FTCDNL1: variants seen among roughly 807,000 people sequenced by gnomAD.
FTCDNL1 encodes formiminotransferase N-terminal subdomain-containing protein.
FTCDNL1 carries 11 observed loss-of-function variants against 5.9 expected under a neutral mutation model. The ratio of observed to expected loss-of-function variants is 1.87; its 90% CI spans 1.18 to 3.10. The LOEUF (loss-of-function observed/expected upper bound fraction) is 3.10. Ranked by LOEUF, FTCDNL1 falls within the 30% of genes most tolerant of loss-of-function variation. The pLI, the probability that FTCDNL1 is intolerant of heterozygous loss-of-function variation, is 0.00. For missense variants in FTCDNL1, 115 were observed against 65.5 expected, an observed-to-expected ratio of 1.76 and a Z score of -2.61; for synonymous variants, 58 against 24.8, an observed-to-expected ratio of 2.34 and a Z score of -3.99.
intron 3 of FTCDNL1, among the ~76,000 whole-genome samples, chr2:199,766,506 T>C (rs773053336): frequency 4.6e-5 from 7 of 152,200 alleles, no homozygotes; most frequent in Non-Finnish European, 1.0e-4. Context: ...AGCAGAGTAG[T>C]TATACTTTGA....
At chr2:199,803,916 G>A (rs1700594621) in intron 3 of FTCDNL1, among the ~76,000 whole-genome samples, 1 of 152,212 alleles carries the variant, frequency 6.6e-6, no homozygotes, top group Non-Finnish European at 1.5e-5. Context: ...TGAAAATCAT[G>A]TAATAACTAA....
the FTCDNL1 span, among the ~76,000 whole-genome samples, chr2:199,672,927 G>A: frequency 2.0e-5 from 3 of 151,902 alleles, no homozygotes; most frequent in African/African-American, 7.3e-5. Context: ...TCAAAGGAAG[G>A]GTAATTAGAC....
downstream of FTCDNL1, among the ~76,000 whole-genome samples, chr2:199,758,310 A>C (rs922576771): frequency 6.6e-6 from 1 of 152,034 alleles, no homozygotes; most frequent in Non-Finnish European, 1.5e-5. Context: ...AAATGAGAAA[A>C]CAAACAAATA....
At chr2:199,759,862 C>T (rs1698197787), downstream of FTCDNL1, among the ~76,000 whole-genome samples, 3 of 152,100 alleles carry the variant, frequency 2.0e-5, no homozygotes, top group South Asian at 6.2e-4. Flanking sequence ...AGTATGTGAA[C>T]ATAAACAACA....
chr2:199,729,679 A>G, the FTCDNL1 span, among the ~76,000 whole-genome samples: 1 of 152,194 alleles, frequency 6.6e-6, no homozygotes, highest in Non-Finnish European at 1.5e-5. Flanking sequence ...AGAACTACAA[A>G]CCACTGCTCA....
chr2:199,670,472 G>A, the FTCDNL1 span, among the ~76,000 whole-genome samples: 1 of 152,290 alleles, frequency 6.6e-6, no homozygotes, highest in Non-Finnish European at 1.5e-5. Flanking sequence ...GAAATCAAGA[G>A]ACTTTTCAAT....
intron 3 of FTCDNL1, among the ~76,000 whole-genome samples, chr2:199,840,879 G>A (rs190878085): frequency 6.6e-6 from 1 of 152,126 alleles, no homozygotes; most frequent in South Asian, 2.1e-4. Flanking sequence ...CTGGCTAGGG[G>A]CAGTAGCTCA....
intron 3 of FTCDNL1, among the ~76,000 whole-genome samples, chr2:199,835,776 A>G (rs1702691217): frequency 2.0e-5 from 3 of 152,228 alleles, no homozygotes; most frequent in South Asian, 2.1e-4. Flanking sequence ...CCCTTACTAG[A>G]TCCACAATCT....
chr2:199,760,733 T>A lies in FTCDNL1; in HGVS notation c.*80A>T, dbSNP rs558868816. ...GGTACTGTGTGTTGGTTTTCCTCCA[T>A]GAGTCACCCCAGATCCATTCTGTGG... On this transcript the variant is annotated 3_prime_UTR_variant, in exon 4 of 4. Coordinates refer to the FTCDNL1 transcript ENST00000416668. 6.5e-4 allele frequency: 452 copies of A among 698,212 alleles called. 1 individual carries two copies. Among genetic ancestry groups the A allele is most frequent in the Non-Finnish European group, 9.6e-4 (366 of 381,432 alleles). The allele number at this position is 698,212 out of a possible 1,614,324, so 43.3% of individuals were successfully genotyped here.
chr2:199,776,274 C>T (rs7556874), intron 3 of FTCDNL1, among the ~76,000 whole-genome samples: 67,990 of 151,994 alleles, frequency 0.45, 17,595 homozygotes, highest in Non-Finnish European at 0.56. Flanking sequence ...CCATATCTGT[C>T]ATATAATGAG....
At chr2:199,752,711 G>A in the FTCDNL1 span, among the ~76,000 whole-genome samples, 1 of 149,628 alleles carries the variant, frequency 6.7e-6, no homozygotes, top group Non-Finnish European at 1.5e-5. Context: ...CTTGCTTTCA[G>A]TATATACATA....
chr2:199,752,177 C>G, the FTCDNL1 span, among the ~76,000 whole-genome samples: 59 of 152,104 alleles, frequency 3.9e-4, no homozygotes, highest in African/African-American at 1.4e-3. Flanking sequence ...AAGGATGCCT[C>G]GACTTCCAGG....
At chr2:199,730,516 CAAA>C in the FTCDNL1 span, among the ~76,000 whole-genome samples, 2 of 152,086 alleles carry the variant, frequency 1.3e-5, no homozygotes, top group Non-Finnish European at 2.9e-5. Context: ...ACAACCCCAT[CAAA>C]AAGTGGGCAA....
intron 3 of FTCDNL1, among the ~76,000 whole-genome samples, chr2:199,842,000 T>G (rs1343394707): frequency 2.0e-5 from 3 of 152,156 alleles, no homozygotes; most frequent in Non-Finnish European, 4.4e-5. Context: ...GGCTCATGCC[T>G]GTAATCCCAG....
chr2:199,800,442 C>T (rs888228816), intron 3 of FTCDNL1, among the ~76,000 whole-genome samples: 8 of 152,124 alleles, frequency 5.3e-5, no homozygotes, highest in Non-Finnish European at 1.0e-4. Flanking sequence ...TGGAAGCTTA[C>T]ACCATTTTGA....
At chr2:199,725,112 A>C in the FTCDNL1 span, among the ~76,000 whole-genome samples, 1 of 152,180 alleles carries the variant, frequency 6.6e-6, no homozygotes, top group South Asian at 2.1e-4. Context: ...TTCTTGTTGA[A>C]TTGAATCCTT....
chr2:199,713,737 G>A, the FTCDNL1 span, among the ~76,000 whole-genome samples: 1 of 152,074 alleles, frequency 6.6e-6, no homozygotes, highest in African/African-American at 2.4e-5. Flanking sequence ...TATACCTAAG[G>A]TACTTAGCTA....
downstream of FTCDNL1, among the ~76,000 whole-genome samples, chr2:199,756,412 C>G (rs549423216): frequency 4.5e-4 from 68 of 152,174 alleles, 1 homozygote; most frequent in Non-Finnish European, 2.9e-5. Flanking sequence ...CTTCCACCAG[C>G]CAGCGGGCTG....
At chr2:199,758,619 T>G (rs375830643), downstream of FTCDNL1, among the ~76,000 whole-genome samples, 22 of 152,312 alleles carry the variant, frequency 1.4e-4, no homozygotes, top group African/African-American at 5.3e-4. Flanking sequence ...CTGGCTCCCA[T>G]GCAAAACCAT....
Sources: allele counts gnomAD v4.1 joint callset (sites outside exome capture counted in the v4.1 genomes callset), GRCh38; gene constraint gnomAD v4.1.1; transcripts MANE v1.5; gene names NCBI Gene and HGNC (gene_info 2026-07-23, HGNC 2026-07-21).